LAPTM4A: variants seen among roughly 807,000 people sequenced by gnomAD.
LAPTM4A encodes lysosomal-associated transmembrane protein 4A.
A neutral mutation model predicts 29.9 loss-of-function variants in LAPTM4A; 19 were observed. That is an observed-to-expected ratio of 0.64 (90% CI 0.44 to 0.93). The LOEUF is 0.93. Ranked by LOEUF, LAPTM4A falls within the 40% of genes least tolerant of loss-of-function variation. The pLI is 0.00. For missense variants in LAPTM4A, 293 were observed against 288.5 expected (o/e 1.02, Z -0.11); for synonymous variants, 105 against 102.1 (o/e 1.03, Z -0.17).
At position 20,051,189 on chromosome 2, in the gene LAPTM4A, T is replaced by C. The variant is rs554083364; in HGVS notation, c.111+221A>G. Among the ~76,000 whole-genome samples, 3 of 151,788 alleles carry C rather than the reference T, an allele frequency of 2.0e-5. No homozygotes were observed. The East Asian group carries it at 5.8e-4, about 29-fold the overall frequency. Reference sequence around the variant, plus strand: ...CTCAAATTCTTGCCAAAGAACAATCTCCCCATGCTTACCACCGCCCCCCGC... The same window carrying C: ...CTCAAATTCTTGCCAAAGAACAATCCCCCCATGCTTACCACCGCCCCCCGC... On this transcript the variant is annotated intron_variant, in intron 1 of 6. Coordinates refer to ENST00000175091, the MANE Select transcript of LAPTM4A (RefSeq NM_014713.5).
intron 2 of LAPTM4A, 114 bp downstream of exon 2, chr2:20,040,777 A>C: frequency 9.8e-7 from 1 of 1,023,684 alleles, no homozygotes; most frequent in South Asian, 1.5e-5. Context: ...TGATGTTCAC[A>C]CAACAATATC....
At chr2:20,039,995 G>A (rs753347293) in intron 2 of LAPTM4A, among the ~76,000 whole-genome samples, 7 of 151,780 alleles carry the variant, frequency 4.6e-5, no homozygotes, top group African/African-American at 1.7e-4. Flanking sequence ...GCCCTGAGCC[G>A]AGATCGCACC....
intron 1 of LAPTM4A, among the ~76,000 whole-genome samples, chr2:20,041,563 T>A (rs1673802017): frequency 6.6e-6 from 1 of 152,104 alleles, no homozygotes; most frequent in African/African-American, 2.4e-5. Flanking sequence ...TGATATGGAG[T>A]CTCACTCTAT....
intron 6 of LAPTM4A, among the ~76,000 whole-genome samples, chr2:20,033,603 C>T (rs1440106384): frequency 6.6e-6 from 1 of 152,204 alleles, no homozygotes; most frequent in Non-Finnish European, 1.5e-5. Context: ...GTGCCAATTA[C>T]ACTTCAGGTG....
At chr2:20,041,051 T>A in intron 1 of LAPTM4A, 40 bp from the exon 2 acceptor site, 2 of 1,606,452 alleles carry the variant, frequency 1.2e-6, no homozygotes, top group Non-Finnish European at 8.5e-7. Context: ...TTAATTACCA[T>A]CACGACGCAA....
At position 20,051,435 on chromosome 2, in the gene LAPTM4A, G is replaced by T; in HGVS notation, c.86C>A (p.Thr29Lys). The part of the protein sequence containing the change: ...CCGCCHVRTG[T>K]IILGTWYMVV... ...CATGTACCAGGTCCCCAGGATGATCGTCCCGGTGCGGACATGGCAACAGCC... is the reference window on the plus strand; with the variant it reads ...CATGTACCAGGTCCCCAGGATGATCTTCCCGGTGCGGACATGGCAACAGCC... Residue 29 changes from threonine to lysine, a missense_variant, in exon 1 of 7, where the codon ACG (threonine) becomes AAG (lysine). Physicochemically the swap from Thr to Lys is moderately conservative, Grantham distance 78. Transcript: ENST00000175091. 6.2e-7 allele frequency: 1 copy of T among 1,612,862 alleles called. No individual in the cohort carries two copies. The highest frequency in any genetic ancestry group is 8.5e-7 in the Non-Finnish European group (1 of 1,179,362).
chr2:20,036,929 T>C (rs1436631292), intron 4 of LAPTM4A, among the ~76,000 whole-genome samples: 2 of 152,240 alleles, frequency 1.3e-5, no homozygotes, highest in Non-Finnish European at 2.9e-5. Flanking sequence ...CAACAGTGCC[T>C]AGCAAAGGGC....
intron 1 of LAPTM4A, among the ~76,000 whole-genome samples, chr2:20,043,077 CTTTT>C (rs397870459): frequency 7.1e-6 from 1 of 141,672 alleles, no homozygotes. Flanking sequence ...GTAGCTGGGA[CTTTT>C]TTTTTTTTTG....
chr2:20,034,916 G>C (rs761258517), intron 5 of LAPTM4A, 51 bp downstream of exon 5: 2 of 1,335,448 alleles, frequency 1.5e-6, no homozygotes, highest in African/African-American at 1.5e-5. Context: ...AAAAGGTTTA[G>C]ATTCACAGTG....
chr2:20,046,479 GTTA>G (rs1300387217), intron 1 of LAPTM4A, among the ~76,000 whole-genome samples: 1 of 151,544 alleles, frequency 6.6e-6, no homozygotes, highest in African/African-American at 2.4e-5. Context: ...TAATTAATAA[GTTA>G]GCCATCACAC....
At chr2:20,045,825 C>T (rs1673906591) in intron 1 of LAPTM4A, among the ~76,000 whole-genome samples, 1 of 152,256 alleles carries the variant, frequency 6.6e-6, no homozygotes, top group Admixed American at 6.5e-5. Flanking sequence ...AGTTTTCCCA[C>T]AGTAATTTGC....
intron 4 of LAPTM4A, among the ~76,000 whole-genome samples, chr2:20,036,529 A>G (rs938982834): frequency 2.0e-5 from 3 of 152,360 alleles, no homozygotes; most frequent in South Asian, 2.1e-4. Flanking sequence ...TGCCTTGCAC[A>G]TAAGAGCAAC....
intron 2 of LAPTM4A, among the ~76,000 whole-genome samples, chr2:20,038,173 C>T (rs554240915): frequency 2.0e-5 from 3 of 152,292 alleles, no homozygotes; most frequent in South Asian, 2.1e-4. Context: ...CAAATTTCGC[C>T]ATTAACCTCA....
At chr2:20,048,870 T>C (rs894840202) in intron 1 of LAPTM4A, among the ~76,000 whole-genome samples, 3 of 152,238 alleles carry the variant, frequency 2.0e-5, no homozygotes, top group Non-Finnish European at 4.4e-5. Context: ...CGAAGTATTA[T>C]ACTACAGTTT....
intron 4 of LAPTM4A, among the ~76,000 whole-genome samples, chr2:20,036,201 C>G (rs1292462090): frequency 6.6e-6 from 1 of 151,270 alleles, no homozygotes; most frequent in Non-Finnish European, 1.5e-5. Context: ...CAGCCCTGCC[C>G]CTGGCCACCT....
Position 20,039,396 on chromosome 2 carries a change from T to C in LAPTM4A, c.232+1495A>G, listed in dbSNP as rs542766603. Among the ~76,000 whole-genome samples the C allele has an allele frequency of 2.6e-5, 4 of 152,340 alleles. No homozygotes were observed. The South Asian group carries it at 6.2e-4, about 24-fold the overall frequency. On this transcript the variant is annotated intron_variant, in intron 2 of 6. Transcript: ENST00000175091. The stretch of plus-strand genomic sequence containing the variant: ...GAAGAATTCAGGTAAAAACAAAATA[T>C]GAAATTAAACAGGTATTATCAAACT...
chr2:20,034,543 C>A (rs1673639943), intron 5 of LAPTM4A, 128 bp from the exon 6 acceptor site: 1 of 692,102 alleles, frequency 1.4e-6, no homozygotes, highest in South Asian at 1.6e-5. Flanking sequence ...TCTGTGTGGA[C>A]CCAGCACAGG....
At chr2:20,044,836 T>C (rs1025219050) in intron 1 of LAPTM4A, among the ~76,000 whole-genome samples, 2 of 152,262 alleles carry the variant, frequency 1.3e-5, no homozygotes, top group African/African-American at 4.8e-5. Context: ...TATATTCCAT[T>C]AGATCACATC....
At chr2:20,036,107 G>A (rs1031787227) in intron 4 of LAPTM4A, among the ~76,000 whole-genome samples, 1 of 152,164 alleles carries the variant, frequency 6.6e-6, no homozygotes, top group Non-Finnish European at 1.5e-5. Context: ...AGAAGGCAGG[G>A]AGGCACCACT....
Sources: allele counts gnomAD v4.1 joint callset (sites outside exome capture counted in the v4.1 genomes callset), GRCh38; gene constraint gnomAD v4.1.1; transcripts MANE v1.5; gene names NCBI Gene and HGNC (gene_info 2026-07-23, HGNC 2026-07-21).